UGT2B28: variants seen among roughly 807,000 people sequenced by gnomAD.
UGT2B28 encodes UDP glucuronosyltransferase family 2 member B28.
A neutral mutation model predicts 43.6 loss-of-function variants in UGT2B28; 45 were observed. That is an observed-to-expected ratio of 1.03 (90% CI 0.81 to 1.32). The LOEUF (loss-of-function observed/expected upper bound fraction) is 1.32, where lower values mean the gene tolerates loss of function less well. Among genes scored for constraint, UGT2B28 ranks in the 40% most tolerant of loss-of-function variants. UGT2B28 has a pLI of 0.00. For synonymous variants in UGT2B28, 204 were observed against 208.1 expected (o/e 0.98, Z 0.17); for missense variants, 649 against 625.5 (o/e 1.04, Z -0.40).
In UGT2B28 at chr4:69,293,730, G is replaced by A. The variant is rs1024128579; in HGVS notation, c.1311-800G>A. Among the ~76,000 whole-genome samples the A allele has an allele frequency of 3.6e-5, 5 of 140,174 alleles. 1 individual carries two copies. The highest frequency in any genetic ancestry group is 7.2e-3 in the Middle Eastern group (2 of 278). 92.0% of individuals were successfully genotyped at this position (140,174 alleles called of 152,430 possible). A position where few individuals can be genotyped will look rare whatever the true frequency, so the allele number is the denominator to read the frequency against. On this transcript the variant is annotated intron_variant, in intron 5 of 5. Coordinates refer to ENST00000335568, the MANE Select transcript of UGT2B28 (RefSeq NM_053039.2). ...GCCAATCTAGAAGACAATGTGCAGG[G>A]GAAAAGTGTTAGAAAAGAGCTTGCC...
chr4:69,291,904 C>T (rs1304289275), intron 5 of UGT2B28, among the ~76,000 whole-genome samples: 1 of 140,070 alleles, frequency 7.1e-6, no homozygotes, highest in East Asian at 2.0e-4. Flanking sequence ...TTTGTTACAG[C>T]CTTCTTAGTG....
chr4:69,294,733 T>A lies in UGT2B28; in HGVS notation c.1514T>A (p.Ile505Lys). 2 of 1,559,820 alleles carry A rather than the reference T, an allele frequency of 1.3e-6. No homozygotes were observed. Among genetic ancestry groups the A allele is most frequent in the Non-Finnish European group, 1.7e-6 (2 of 1,155,336 alleles). Residue 505 changes from isoleucine to lysine, a missense_variant, in exon 6 of 6, where the codon ATA becomes AAA. Ile to Lys is a moderately radical substitution (Grantham distance 102). Transcript: ENST00000335568. ...CTGCTGGCCTGTGTGGCAACTGTGA[T>A]ATTTGTCGTCACAAAGTTTTGTCTG... is the stretch of plus-strand genomic sequence containing the variant. ...GFLLACVATV[I>K]FVVTKFCLFC...
In UGT2B28 at chr4:69,293,212, G is replaced by A. The variant is rs1243636763; in HGVS notation, c.1311-1318G>A. Among the ~76,000 whole-genome samples, 8 of 139,640 alleles carry A rather than the reference G, an allele frequency of 5.7e-5. 3 individuals are homozygous for A. Among genetic ancestry groups the A allele is most frequent in the African/African-American group, 2.2e-4 (8 of 35,766 alleles). 91.6% of individuals were successfully genotyped at this position (139,640 alleles called of 152,430 possible). On this transcript the variant is annotated intron_variant, in intron 5 of 5. Coordinates refer to ENST00000335568, the MANE Select transcript of UGT2B28 (RefSeq NM_053039.2). ...TACATAAACAAGCAAAACTAATGTT[G>A]TGATTCGAAGTCAGGCTAATCCTTA... is the stretch of plus-strand genomic sequence containing the variant.
In UGT2B28 at chr4:69,289,158, A is replaced by G. The variant is rs936336625; in HGVS notation, c.1003-507A>G. On this transcript the variant is annotated intron_variant, in intron 3 of 5. Coordinates refer to ENST00000335568, the MANE Select transcript of UGT2B28 (RefSeq NM_053039.2). ...ATTTTTGCCTCTAGGTTTCTGAGGA[A>G]TGGCCACACTGTCTTCCACAATGGT... Among the ~76,000 whole-genome samples the G allele has an allele frequency of 1.4e-5, 2 of 139,534 alleles. 1 individual carries two copies. Among genetic ancestry groups the G allele is most frequent in the African/African-American group, 5.6e-5 (2 of 35,614 alleles). 91.5% of individuals were successfully genotyped at this position (139,534 alleles called of 152,430 possible). A position where few individuals can be genotyped will look rare whatever the true frequency, so the allele number is the denominator to read the frequency against.
In UGT2B28 at chr4:69,294,709, T is replaced by C. The variant is rs751551317; in HGVS notation, c.1490T>C (p.Leu497Pro). Residue 497 changes from leucine (L) to proline (P), a missense_variant, in exon 6 of 6, where the codon CTG (leucine) becomes CCG (proline). Transcript: ENST00000335568. Reference sequence around the variant, plus strand: ...CACTCTTTGGATGTGATTGGGTTTCTGCTGGCCTGTGTGGCAACTGTGATA... The same window carrying C: ...CACTCTTTGGATGTGATTGGGTTTCCGCTGGCCTGTGTGGCAACTGTGATA... ...QYHSLDVIGF[L>P]LACVATVIFV... 74 of 1,560,000 alleles carry C rather than the reference T, an allele frequency of 4.7e-5. 9 individuals carry two copies. Among genetic ancestry groups the C allele is most frequent in the Non-Finnish European group, 5.2e-5 (60 of 1,155,506 alleles).
intron 3 of UGT2B28, among the ~76,000 whole-genome samples, chr4:69,288,986 A>G (rs1466852345): frequency 1.4e-5 from 2 of 140,408 alleles, no homozygotes; most frequent in African/African-American, 2.8e-5. Context: ...CATTCAGTCC[A>G]TAATTGATGG....
rs763200391 is a variant in UGT2B28, at chr4:69,280,662, T to A, written c.162T>A (p.Thr54=). ...TTGTTCAGAGAGGTCATGAGGTGAC[T>A]GTACTGGCATCTTCAGCTTCCATTC... The part of the protein sequence containing the change: ...KELVQRGHEV[T]VLASSASILF... The change falls in exon 1 of 6, where the codon ACT becomes ACA. Residue 54 remains threonine, a synonymous_variant. Transcript: ENST00000335568. 6.4e-7 allele frequency: 1 copy of A among 1,561,516 alleles called. No individual in the cohort carries two copies. The highest frequency in any genetic ancestry group is 1.5e-5 in the African/African-American group (1 of 66,180).
At chr4:69,283,740 C>A (rs561821275) in intron 2 of UGT2B28, among the ~76,000 whole-genome samples, 1 of 140,344 alleles carries the variant, frequency 7.1e-6, no homozygotes, top group Admixed American at 7.2e-5. Flanking sequence ...TTAACATGTG[C>A]AAGTCACTTG....
chr4:69,292,477 AAAAC>A lies in UGT2B28; in HGVS notation c.1310+1670_1310+1673del, dbSNP rs1723982779. On this transcript the variant is annotated intron_variant, in intron 5 of 5. Coordinates refer to ENST00000335568, the MANE Select transcript of UGT2B28 (RefSeq NM_053039.2). ...GCTTGGACAAATAGAAAAGAAATATAAAACAAAGTGGTAGATTTAAATGTGATTA... is the reference window on the plus strand; with the variant it reads ...GCTTGGACAAATAGAAAAGAAATATAAAAGTGGTAGATTTAAATGTGATTA... Among the ~76,000 whole-genome samples, 2 of 141,136 alleles carry A rather than the reference AAAAC, an allele frequency of 1.4e-5. 1 individual carries two copies. Among genetic ancestry groups the A allele is most frequent in the Non-Finnish European group, 3.0e-5 (2 of 65,790 alleles). The allele number at this position is 141,136 out of a possible 152,430, so 92.6% of individuals were successfully genotyped here. A position where few individuals can be genotyped will look rare whatever the true frequency, so the allele number is the denominator to read the frequency against.
intron 5 of UGT2B28, among the ~76,000 whole-genome samples, chr4:69,293,495 C>T (rs1577998397): frequency 7.2e-6 from 1 of 139,772 alleles, no homozygotes; most frequent in East Asian, 2.0e-4. Context: ...AAAATAAGCA[C>T]AGAAAATAGA....
intron 5 of UGT2B28, among the ~76,000 whole-genome samples, chr4:69,294,242 A>C (rs1374908386): frequency 7.3e-6 from 1 of 136,456 alleles, no homozygotes; most frequent in African/African-American, 2.9e-5. Context: ...AAAAACTTAA[A>C]ATTAAAGAAT....
In UGT2B28 at chr4:69,290,030, G is replaced by A. The variant is rs1380434944; in HGVS notation, c.1090+278G>A. Among the ~76,000 whole-genome samples, 13 of 139,784 alleles carry A rather than the reference G, an allele frequency of 9.3e-5. 1 individual carries two copies. Among genetic ancestry groups the A allele is most frequent in the Admixed American group, 1.4e-4 (2 of 13,896 alleles). The allele number at this position is 139,784 out of a possible 152,430, so 91.7% of individuals were successfully genotyped here. ...CAGTATCTTCCTGGGCTGTCTCTCC[G>A]TCTCCTGTTTCTACAACTTTACACC... is the stretch of plus-strand genomic sequence containing the variant. On this transcript the variant is annotated intron_variant, in intron 4 of 5. Coordinates refer to ENST00000335568, the MANE Select transcript of UGT2B28 (RefSeq NM_053039.2).
chr4:69,290,036 T>C (rs1723903449), intron 4 of UGT2B28, among the ~76,000 whole-genome samples: 2 of 140,562 alleles, frequency 1.4e-5, no homozygotes, highest in Non-Finnish European at 3.0e-5. Flanking sequence ...CTCCGTCTCC[T>C]GTTTCTACAA....
In UGT2B28 at chr4:69,289,793, G is replaced by A. The variant is rs756394451; in HGVS notation, c.1090+41G>A. 1.3e-5 allele frequency: 19 copies of A among 1,444,692 alleles called. 3 individuals are homozygous for A. The highest frequency in any genetic ancestry group is 3.3e-5 in the African/African-American group (2 of 61,516). 89.5% of individuals were successfully genotyped at this position (1,444,692 alleles called of 1,614,324 possible). On this transcript the variant is annotated intron_variant, in intron 4 of 5. Transcript: ENST00000335568. ...ACAAATACTGGATATATTAGTAACT[G>A]CACATTAGAATGTTAATAGTTTATC...
chr4:69,294,463 A>G lies in UGT2B28; in HGVS notation c.1311-67A>G, dbSNP rs1724043944. 2.9e-6 allele frequency: 4 copies of G among 1,361,928 alleles called. 1 individual carries two copies. In the East Asian group the frequency reaches 9.9e-5, roughly 34 times the overall value. The allele number at this position is 1,361,928 out of a possible 1,614,324, so 84.4% of individuals were successfully genotyped here. A position where few individuals can be genotyped will look rare whatever the true frequency, so the allele number is the denominator to read the frequency against. ...TTATTTGACACTTTAAAAGCCTTTCATAGACTTGATACATACAGGCCAGTT... is the reference window on the plus strand; with the variant it reads ...TTATTTGACACTTTAAAAGCCTTTCGTAGACTTGATACATACAGGCCAGTT... On this transcript the variant is annotated intron_variant, in intron 5 of 5. Transcript: ENST00000335568.
At chr4:69,288,860 C>CTA (rs745389503) in intron 3 of UGT2B28, among the ~76,000 whole-genome samples, 1 of 140,156 alleles carries the variant, frequency 7.1e-6, no homozygotes, top group African/African-American at 2.8e-5. Flanking sequence ...ATTTCAATTC[C>CTA]TGTTAGTTTC....
rs548868144 is a variant in UGT2B28 at position 69,290,913 on chromosome 4, A to G, written c.1310+102A>G. On this transcript the variant is annotated intron_variant, in intron 5 of 5. Coordinates refer to ENST00000335568, the MANE Select transcript of UGT2B28 (RefSeq NM_053039.2). ...CTTTTTATAAGAGAGTAATCTTGAAAGAATTTAAATGATTTAACCAATCTG... is the reference window on the plus strand; with the variant it reads ...CTTTTTATAAGAGAGTAATCTTGAAGGAATTTAAATGATTTAACCAATCTG... 868 of 1,341,564 alleles carry G rather than the reference A, an allele frequency of 6.5e-4. 100 individuals carry two copies. Among genetic ancestry groups the G allele is most frequent in the Admixed American group, 3.0e-3 (115 of 38,426 alleles). 83.1% of individuals were successfully genotyped at this position (1,341,564 alleles called of 1,614,324 possible). A position where few individuals can be genotyped will look rare whatever the true frequency, so the allele number is the denominator to read the frequency against.
chr4:69,289,994 A>G (rs564182750), intron 4 of UGT2B28, among the ~76,000 whole-genome samples: 1 of 140,570 alleles, frequency 7.1e-6, no homozygotes, highest in South Asian at 2.4e-4. Context: ...ATTATATCTC[A>G]CAGAATTTTT....
intron 1 of UGT2B28, 136 bp downstream of exon 1, chr4:69,281,357 T>G: frequency 9.1e-7 from 1 of 1,102,660 alleles, no homozygotes; most frequent in East Asian, 2.7e-5. Context: ...CAAGATGATC[T>G]ATCAATCTCA....
Sources: allele counts gnomAD v4.1 joint callset (sites outside exome capture counted in the v4.1 genomes callset), GRCh38; gene constraint gnomAD v4.1.1; transcripts MANE v1.5; gene names NCBI Gene and HGNC (gene_info 2026-07-23, HGNC 2026-07-21).